The following PRKG1 variants were observed in gnomAD, a reference collection of about 807,000 sequenced individuals.
The protein encoded by PRKG1 is protein kinase cGMP-dependent 1.
Under a neutral mutation model 88.1 loss-of-function variants are expected in PRKG1, and 35 were observed. The ratio of observed to expected loss-of-function variants is 0.40; its 90% CI spans 0.30 to 0.53. PRKG1 has a LOEUF of 0.53. Ranked by LOEUF, PRKG1 falls within the 20% of genes least tolerant of loss-of-function variation. The probability of loss-of-function intolerance (pLI) is 0.59; values close to 1 mark genes in which losing one functional copy is unlikely to be tolerated. For synonymous variants in PRKG1, 303 were observed against 292.5 expected, an observed-to-expected ratio of 1.04 and a Z score of -0.37; for missense variants, 540 against 839.8, an observed-to-expected ratio of 0.64 and a Z score of 4.41.
At chr10:51,986,473 A>G (rs1844160514) in intron 5 of PRKG1, among the ~76,000 whole-genome samples, 1 of 152,242 alleles carries the variant, frequency 6.6e-6, no homozygotes, top group Non-Finnish European at 1.5e-5. Flanking sequence ...TTTGATGAGC[A>G]CTTTCTCAGA....
intron 7 of PRKG1, among the ~76,000 whole-genome samples, chr10:52,064,249 G>A (rs1246192382): frequency 6.6e-6 from 1 of 152,194 alleles, no homozygotes; most frequent in Non-Finnish European, 1.5e-5. Context: ...GCCCAGAGGG[G>A]GGTGAGTTGT....
At chr10:52,120,666 C>T (rs11000840) in intron 7 of PRKG1, among the ~76,000 whole-genome samples, 47,894 of 152,076 alleles carry the variant, frequency 0.31, 7,832 homozygotes, top group African/African-American at 0.38. Context: ...TTTGACTCCA[C>T]GTTCCATCTT....
intron 7 of PRKG1, among the ~76,000 whole-genome samples, chr10:52,071,011 T>C (rs566234875): frequency 3.7e-4 from 57 of 152,348 alleles, no homozygotes; most frequent in African/African-American, 1.3e-3. Context: ...AGGTGATTAA[T>C]AGGCCAAATA....
intron 1 of PRKG1, among the ~76,000 whole-genome samples, chr10:51,059,933 G>A (rs939600272): frequency 6.6e-6 from 1 of 152,036 alleles, no homozygotes; most frequent in Admixed American, 6.6e-5. Context: ...TAAGATATTA[G>A]ATTTGTCTCT....
Position 52,171,963 on chromosome 10 carries a change from C to T in PRKG1, c.1076+10000C>T, listed in dbSNP as rs377554087. ...GACTACAGGCGCCCGCCACCGCGCCCGGCTAATTTTTTGTATTTTTAGTAG... is the reference window on the plus strand; with the variant it reads ...GACTACAGGCGCCCGCCACCGCGCCTGGCTAATTTTTTGTATTTTTAGTAG... On this transcript the variant is annotated intron_variant, in intron 9 of 17. Coordinates refer to ENST00000373980, the MANE Select transcript of PRKG1 (RefSeq NM_006258.4). 2.0e-4 allele frequency among the ~76,000 whole-genome samples: 30 copies of T among 150,308 alleles called. 2 individuals are homozygous for T. In the East Asian group the frequency reaches 5.3e-3, roughly 27 times the overall value.
intron 3 of PRKG1, among the ~76,000 whole-genome samples, chr10:51,497,604 T>A (rs1840896358): frequency 6.6e-6 from 1 of 152,192 alleles, no homozygotes; most frequent in Admixed American, 6.5e-5. Flanking sequence ...CAGTGATGTG[T>A]CTGATGGATG....
At chr10:51,995,878 G>A (rs552223384) in intron 5 of PRKG1, among the ~76,000 whole-genome samples, 1 of 152,138 alleles carries the variant, frequency 6.6e-6, no homozygotes, top group Admixed American at 6.5e-5. Context: ...GAAAACATAG[G>A]CGGAAGCTCC....
chr10:51,557,797 T>G (rs2132142310), intron 3 of PRKG1, among the ~76,000 whole-genome samples: 1 of 152,192 alleles, frequency 6.6e-6, no homozygotes, highest in Non-Finnish European at 1.5e-5. Flanking sequence ...TACATCTGTG[T>G]CAACTACTAC....
chr10:51,760,494 C>G (rs1260644027), intron 3 of PRKG1, among the ~76,000 whole-genome samples: 1 of 140,264 alleles, frequency 7.1e-6, no homozygotes, highest in South Asian at 2.4e-4. Flanking sequence ...TTTTTTGAGA[C>G]CAAGTCTTGC....
At chr10:52,238,821 G>T (rs954880016) in intron 9 of PRKG1, among the ~76,000 whole-genome samples, 10 of 150,520 alleles carry the variant, frequency 6.6e-5, no homozygotes, top group Non-Finnish European at 1.3e-4. Context: ...CCATTACTGG[G>T]TATATACCCA....
chr10:52,219,335 A>T (rs1589709474), intron 9 of PRKG1, among the ~76,000 whole-genome samples: 2 of 152,216 alleles, frequency 1.3e-5, no homozygotes, highest in African/African-American at 4.8e-5. Flanking sequence ...CCTTCAGATT[A>T]CAAACTCTCT....
chr10:51,265,991 A>G (rs1435982040), intron 2 of PRKG1, among the ~76,000 whole-genome samples: 2 of 152,202 alleles, frequency 1.3e-5, no homozygotes, highest in African/African-American at 4.8e-5. Flanking sequence ...TGTTAAAAAT[A>G]CAAGTTTTTG....
intron 3 of PRKG1, among the ~76,000 whole-genome samples, chr10:51,554,789 T>C (rs1403018725): frequency 6.6e-6 from 1 of 151,792 alleles, no homozygotes; most frequent in Non-Finnish European, 1.5e-5. Context: ...AAACATTTGT[T>C]AAATCCATGA....
intron 5 of PRKG1, among the ~76,000 whole-genome samples, chr10:52,053,394 A>C (rs1460614888): frequency 6.6e-6 from 1 of 152,220 alleles, no homozygotes; most frequent in Non-Finnish European, 1.5e-5. Flanking sequence ...TTAGCACTTT[A>C]TGTGTTAAGA....
At chr10:52,018,017 G>A (rs2133185016) in intron 5 of PRKG1, among the ~76,000 whole-genome samples, 1 of 151,924 alleles carries the variant, frequency 6.6e-6, no homozygotes, top group African/African-American at 2.4e-5. Context: ...TCCAGTGTAA[G>A]CATCGATTTG....
chr10:51,392,821 A>G (rs1327500474), intron 2 of PRKG1, among the ~76,000 whole-genome samples: 1 of 121,030 alleles, frequency 8.3e-6, no homozygotes, highest in Non-Finnish European at 1.7e-5. Context: ...CTGACCCCCC[A>G]CCTCCCTCCC....
chr10:51,934,888 A>G (rs947641437), intron 5 of PRKG1, among the ~76,000 whole-genome samples: 1 of 152,218 alleles, frequency 6.6e-6, no homozygotes, highest in Non-Finnish European at 1.5e-5. Flanking sequence ...GATTTCAATC[A>G]GGTATCAAAT....
chr10:51,653,705 T>C (rs1589163903), intron 3 of PRKG1, among the ~76,000 whole-genome samples: 1 of 152,090 alleles, frequency 6.6e-6, no homozygotes, highest in Non-Finnish European at 1.5e-5. Flanking sequence ...TAGCTGGGAC[T>C]ACAGGCATGT....
chr10:51,045,328 TA>T (rs1564580159), intron 1 of PRKG1, among the ~76,000 whole-genome samples: 100 of 152,082 alleles, frequency 6.6e-4, no homozygotes, highest in African/African-American at 2.3e-3. Flanking sequence ...TTTATTTATT[TA>T]TTTATTTTTT....
Sources: gnomAD v4.1 joint callset for allele counts (sites outside exome capture counted in the v4.1 genomes callset) on GRCh38, gnomAD v4.1.1 for gene constraint, MANE v1.5 for transcripts, NCBI Gene and HGNC (gene_info 2026-07-23, HGNC 2026-07-21) for gene names.